The following TRPC4 variants were observed in gnomAD, a reference collection of about 807,000 sequenced individuals.
The protein encoded by TRPC4 is short transient receptor potential channel 4.
TRPC4 carries 49 observed loss-of-function variants against 99.4 expected under a neutral mutation model. The observed-to-expected ratio is 0.49, with a 90% CI of 0.39 to 0.63. TRPC4 has a LOEUF of 0.63. TRPC4 is among the 20% of genes least tolerant of loss of function. The pLI is 0.00. For missense variants in TRPC4, 898 were observed against 1,152.9 expected (o/e 0.78, Z 3.20); for synonymous variants, 454 against 425.9 (o/e 1.07, Z -0.81).
intron 4 of TRPC4, among the ~76,000 whole-genome samples, chr13:37,691,347 G>A (rs1048307884): frequency 2.0e-5 from 3 of 152,140 alleles, no homozygotes; most frequent in South Asian, 2.1e-4. Flanking sequence ...CTCGTGATCC[G>A]CCCGCCTCGG....
intron 8 of TRPC4, among the ~76,000 whole-genome samples, chr13:37,642,460 T>C (rs1951744347): frequency 6.6e-6 from 1 of 151,964 alleles, no homozygotes; most frequent in Non-Finnish European, 1.5e-5. Context: ...CAGAGCAGAG[T>C]CTCCAGGCCT....
chr13:37,745,856 A>T, intron 3 of TRPC4, 81 bp downstream of exon 3: 5 of 1,504,384 alleles, frequency 3.3e-6, no homozygotes, highest in Non-Finnish European at 4.5e-6. Context: ...TAAAACCCAA[A>T]ACTAATTTTG....
intron 1 of TRPC4, among the ~76,000 whole-genome samples, chr13:37,828,041 GC>G (rs1336627775): frequency 2.6e-5 from 4 of 152,186 alleles, no homozygotes; most frequent in African/African-American, 7.2e-5. Flanking sequence ...TTTTCCAGGT[GC>G]CGTCCGTCAC....
At chr13:37,740,771 TA>T (rs1955563061) in intron 3 of TRPC4, among the ~76,000 whole-genome samples, 1 of 152,206 alleles carries the variant, frequency 6.6e-6, no homozygotes, top group African/African-American at 2.4e-5. Context: ...AAGAGAGCTT[TA>T]AAGAGCTGTA....
At position 37,651,393 on chromosome 13, in the gene TRPC4, C is replaced by T. The variant is rs765102078; in HGVS notation, c.1951G>A (p.Gly651Ser). 1.2e-6 allele frequency: 2 copies of T among 1,614,014 alleles called. No homozygotes were observed. Among genetic ancestry groups the T allele is most frequent in the Admixed American group, 1.7e-5 (1 of 60,016 alleles). The change falls in exon 8 of 11, where the codon GGT becomes AGT. Residue 651 changes from glycine to serine, a missense_variant. Physicochemically the swap from Gly to Ser is moderately conservative, Grantham distance 56. Transcript: ENST00000379705. ...ACATTGAAGGGAGTAGGCAGAGTAC[C>T]TCCTTCTTCAAAATAACTCATCCAA... ...KLWMSYFEEG[G>S]TLPTPFNVIP...
At chr13:37,794,003 ATATT>A (rs1252251343) in intron 1 of TRPC4, among the ~76,000 whole-genome samples, 4 of 152,150 alleles carry the variant, frequency 2.6e-5, no homozygotes, top group African/African-American at 7.2e-5. Flanking sequence ...GAAGTTCTGA[ATATT>A]TATTTAACAA....
chr13:37,765,096 T>C (rs1434633837), intron 2 of TRPC4, among the ~76,000 whole-genome samples: 2 of 151,440 alleles, frequency 1.3e-5, no homozygotes, highest in Non-Finnish European at 3.0e-5. Flanking sequence ...AATATGTTAA[T>C]ATTTTTGATC....
At chr13:37,733,832 CAATA>C (rs1289354048) in intron 3 of TRPC4, among the ~76,000 whole-genome samples, 4 of 151,812 alleles carry the variant, frequency 2.6e-5, no homozygotes, top group South Asian at 4.2e-4. Flanking sequence ...GGACGATAGA[CAATA>C]AATAAACACA....
At chr13:37,690,391 C>T (rs1279078482) in intron 4 of TRPC4, among the ~76,000 whole-genome samples, 1 of 152,002 alleles carries the variant, frequency 6.6e-6, no homozygotes, top group Non-Finnish European at 1.5e-5. Flanking sequence ...CTTGGTTCAC[C>T]GCAACCTCTG....
intron 1 of TRPC4, among the ~76,000 whole-genome samples, chr13:37,862,901 A>G (rs976999709): frequency 6.6e-6 from 1 of 151,522 alleles, no homozygotes; most frequent in African/African-American, 2.4e-5. Flanking sequence ...TTTGGGCAAC[A>G]ATGAACTATA....
At chr13:37,851,372 A>C (rs546776879) in intron 1 of TRPC4, among the ~76,000 whole-genome samples, 4 of 152,312 alleles carry the variant, frequency 2.6e-5, no homozygotes, top group African/African-American at 9.6e-5. Flanking sequence ...ATTCTTAACA[A>C]ACAGACCAGC....
At chr13:37,668,666 G>C (rs1952732891) in intron 5 of TRPC4, among the ~76,000 whole-genome samples, 1 of 152,020 alleles carries the variant, frequency 6.6e-6, no homozygotes, top group African/African-American at 2.4e-5. Context: ...AATATGTTAG[G>C]CTATCTTTAT....
intron 5 of TRPC4, among the ~76,000 whole-genome samples, chr13:37,672,696 C>A (rs566061440): frequency 6.6e-6 from 1 of 152,308 alleles, no homozygotes; most frequent in Non-Finnish European, 1.5e-5. Flanking sequence ...GACTGGAGAG[C>A]TAGGCGCTTA....
chr13:37,640,766 A>T (rs1247641301), intron 8 of TRPC4, among the ~76,000 whole-genome samples: 2 of 152,132 alleles, frequency 1.3e-5, no homozygotes, highest in Non-Finnish European at 2.9e-5. Flanking sequence ...GATCTCCTTA[A>T]ATTTACTTAA....
intron 1 of TRPC4, among the ~76,000 whole-genome samples, chr13:37,866,671 T>A (rs1327110897): frequency 5.9e-5 from 9 of 151,792 alleles, no homozygotes; most frequent in Non-Finnish European, 1.5e-5. Flanking sequence ...ATATCCCTGA[T>A]CAAAATATTC....
intron 1 of TRPC4, among the ~76,000 whole-genome samples, chr13:37,868,222 GA>G (rs1392402045): frequency 6.6e-6 from 1 of 151,978 alleles, no homozygotes. Flanking sequence ...TATAAGTAAT[GA>G]AAATCTATTC....
At chr13:37,843,748 G>C (rs1046946585) in intron 1 of TRPC4, among the ~76,000 whole-genome samples, 2 of 151,990 alleles carry the variant, frequency 1.3e-5, no homozygotes, top group Admixed American at 6.6e-5. Flanking sequence ...GTGTTAGCAA[G>C]ACAGCAGAAT....
chr13:37,755,894 A>T (rs1469359503), intron 2 of TRPC4, among the ~76,000 whole-genome samples: 3 of 152,110 alleles, frequency 2.0e-5, no homozygotes, highest in African/African-American at 7.2e-5. Flanking sequence ...GGGCTTCAAT[A>T]AAAATGTGCT....
intron 1 of TRPC4, among the ~76,000 whole-genome samples, chr13:37,803,680 C>G (rs1028272094): frequency 2.6e-5 from 4 of 151,908 alleles, no homozygotes; most frequent in African/African-American, 9.7e-5. Flanking sequence ...GACATAAAAA[C>G]AGAAGAAATT....
Sources: gnomAD v4.1 joint callset for allele counts (sites outside exome capture counted in the v4.1 genomes callset) on GRCh38, gnomAD v4.1.1 for gene constraint, MANE v1.5 for transcripts, NCBI Gene and HGNC (gene_info 2026-07-23, HGNC 2026-07-21) for gene names.